Variants in SEMA4D observed in about 807,000 individuals in gnomAD.
The protein encoded by SEMA4D is semaphorin 4D.
Under a neutral mutation model 74.8 loss-of-function variants are expected in SEMA4D, and 22 were observed. That is an observed-to-expected ratio of 0.29 (90% CI 0.21 to 0.42). The LOEUF (loss-of-function observed/expected upper bound fraction) is 0.42. SEMA4D is among the 10% of genes least tolerant of loss of function. SEMA4D has a pLI of 1.00. For synonymous variants in SEMA4D, 445 were observed against 463.7 expected, an observed-to-expected ratio of 0.96 and a Z score of 0.52; for missense variants, 937 against 1,118.4, an observed-to-expected ratio of 0.84 and a Z score of 2.31.
intron 1 of SEMA4D, among the ~76,000 whole-genome samples, chr9:89,460,799 A>G (rs777380569): frequency 1.2e-4 from 18 of 152,192 alleles, no homozygotes; most frequent in Non-Finnish European, 1.9e-4. Flanking sequence ...CCAGCGTGGA[A>G]CTCAGCACAC....
intron 1 of SEMA4D, among the ~76,000 whole-genome samples, chr9:89,483,147 G>A (rs915653728): frequency 2.6e-5 from 4 of 152,240 alleles, no homozygotes; most frequent in African/African-American, 9.6e-5. Context: ...ACATGAGGAT[G>A]GCAGATCCCT....
chr9:89,364,741 C>T (rs1234756440), intron 16 of SEMA4D: 1 of 152,674 alleles, frequency 6.5e-6, no homozygotes, highest in Non-Finnish European at 1.5e-5. Context: ...AGGGTGGAGC[C>T]TGGCTGGCCT....
At chr9:89,411,011 G>A (rs1367275831) in intron 2 of SEMA4D, among the ~76,000 whole-genome samples, 1 of 152,170 alleles carries the variant, frequency 6.6e-6, no homozygotes, top group Non-Finnish European at 1.5e-5. Context: ...GAAAGCTACT[G>A]CAGGATTTGC....
In SEMA4D at chr9:89,369,145, G is replaced by A. The variant is rs531475069; in HGVS notation, c.1883-5195C>T. 6 of 152,024 alleles carry A rather than the reference G, an allele frequency of 3.9e-5. No homozygotes were observed. In the East Asian group the frequency reaches 7.7e-4, roughly 20 times the overall value. 9.4% of individuals were successfully genotyped at this position (152,024 alleles called of 1,614,324 possible). ...GTCAACTAATTCCCACGACGGCCGTGGCCTTTCAAGAGTCTGAAACAAAGG... is the reference window on the plus strand; with the variant it reads ...GTCAACTAATTCCCACGACGGCCGTAGCCTTTCAAGAGTCTGAAACAAAGG... On this transcript the variant is annotated intron_variant, in intron 16 of 18. Transcript: ENST00000339861.
intron 9 of SEMA4D, 75 bp from the exon 10 acceptor site, chr9:89,389,122 C>T: frequency 6.7e-7 from 1 of 1,498,626 alleles, no homozygotes; most frequent in South Asian, 1.2e-5. Context: ...CAGAGGTGCA[C>T]CCCTCCATGG....
intron 2 of SEMA4D, 32 bp from the exon 3 acceptor site, chr9:89,405,731 C>G (rs1162173512): frequency 7.2e-7 from 1 of 1,393,590 alleles, no homozygotes; most frequent in South Asian, 1.7e-5. Flanking sequence ...AAGGCAGGAC[C>G]CATGGTGAGT....
chr9:89,481,356 A>G (rs1824656733), intron 1 of SEMA4D, among the ~76,000 whole-genome samples: 1 of 152,230 alleles, frequency 6.6e-6, no homozygotes, highest in Non-Finnish European at 1.5e-5. Flanking sequence ...GAGGGTTCAC[A>G]GCAGGACTGG....
At chr9:89,407,158 G>A (rs558955386) in intron 2 of SEMA4D, among the ~76,000 whole-genome samples, 5 of 152,276 alleles carry the variant, frequency 3.3e-5, no homozygotes, top group South Asian at 2.1e-4. Flanking sequence ...ACAAAATTCC[G>A]AGGTTACTTG....
At chr9:89,367,094 G>A (rs1054457086) in intron 16 of SEMA4D, 5 of 152,564 alleles carry the variant, frequency 3.3e-5, no homozygotes, top group African/African-American at 1.2e-4. Flanking sequence ...ATCATCATAA[G>A]ACATTAAAGA....
intron 1 of SEMA4D, among the ~76,000 whole-genome samples, chr9:89,465,429 G>C (rs575903011): frequency 3.3e-5 from 5 of 151,978 alleles, no homozygotes; most frequent in Non-Finnish European, 7.4e-5. Context: ...CAGAGGGGAA[G>C]TCAAAGAATC....
chr9:89,418,984 CG>C (rs1846320343), intron 2 of SEMA4D, among the ~76,000 whole-genome samples: 1 of 102,336 alleles, frequency 9.8e-6, no homozygotes, highest in African/African-American at 3.5e-5. Context: ...CAGGAGCCCC[CG>C]TCCCTCCCAC....
chr9:89,373,592 T>C (rs1396670876), downstream of SEMA4D, among the ~76,000 whole-genome samples: 2 of 152,028 alleles, frequency 1.3e-5, no homozygotes, highest in Non-Finnish European at 2.9e-5. Flanking sequence ...TCCTCTTAAG[T>C]TTCATATTCT....
chr9:89,460,251 G>T (rs944143032), intron 1 of SEMA4D, among the ~76,000 whole-genome samples: 12 of 152,192 alleles, frequency 7.9e-5, no homozygotes, highest in Admixed American at 2.6e-4. Context: ...CTTGGGTAAG[G>T]CATCCTTTGA....
intron 2 of SEMA4D, chr9:89,449,939 T>G: frequency 5.4e-6 from 8 of 1,493,220 alleles, no homozygotes; most frequent in Non-Finnish European, 7.5e-6. Flanking sequence ...CTTTTCTGAC[T>G]GATGTAGCTC....
chr9:89,408,599 C>T (rs554797165), intron 2 of SEMA4D, among the ~76,000 whole-genome samples: 1 of 152,358 alleles, frequency 6.6e-6, no homozygotes, highest in South Asian at 2.1e-4. Flanking sequence ...GCTGCCCCAT[C>T]CCTTAAAGCA....
At chr9:89,464,134 A>G (rs1588085103) in intron 1 of SEMA4D, among the ~76,000 whole-genome samples, 2 of 152,162 alleles carry the variant, frequency 1.3e-5, no homozygotes, top group East Asian at 3.9e-4. Flanking sequence ...CCCCAAGAAA[A>G]CTGCCACAAA....
At chr9:89,362,254 G>GT in exon 19 of SEMA4D, 1 of 1,371,380 alleles carries the variant, frequency 7.3e-7, no homozygotes, top group Non-Finnish European at 1.0e-6. Flanking sequence ...TGCCCATCAG[G>GT]TGGTGGCCCA....
intron 16 of SEMA4D, among the ~76,000 whole-genome samples, chr9:89,371,972 TG>T (rs1397114255): frequency 5.6e-5 from 7 of 125,454 alleles, no homozygotes; most frequent in African/African-American, 9.4e-5. Context: ...GTGTGGGGTG[TG>T]GTGTGTGTCT....
intron 2 of SEMA4D, among the ~76,000 whole-genome samples, chr9:89,433,415 G>A (rs1047490179): frequency 1.3e-5 from 2 of 152,174 alleles, no homozygotes; most frequent in African/African-American, 4.8e-5. Context: ...CAATCGGCAG[G>A]GAGGGCTCTC....
Sources: gnomAD v4.1 joint callset for allele counts (sites outside exome capture counted in the v4.1 genomes callset) on GRCh38, gnomAD v4.1.1 for gene constraint, MANE v1.5 for transcripts, NCBI Gene and HGNC (gene_info 2026-07-23, HGNC 2026-07-21) for gene names.